Variants in RPS6KC1 observed in about 807,000 individuals in gnomAD.
The protein encoded by RPS6KC1 is ribosomal protein S6 kinase C1.
A neutral mutation model predicts 103.8 loss-of-function variants in RPS6KC1; 54 were observed. The ratio of observed to expected loss-of-function variants is 0.52; its 90% CI spans 0.42 to 0.65. The LOEUF (loss-of-function observed/expected upper bound fraction) is 0.65. Among genes scored for constraint, RPS6KC1 ranks in the 30% least tolerant of loss-of-function variants. RPS6KC1 has a pLI of 0.00. For synonymous variants in RPS6KC1, 439 were observed against 438.7 expected (o/e 1.00, Z -0.01); for missense variants, 1,151 against 1,253.8 (o/e 0.92, Z 1.24).
the RPS6KC1 span, among the ~76,000 whole-genome samples, chr1:213,459,544 G>C: frequency 6.6e-6 from 1 of 151,934 alleles, no homozygotes; most frequent in African/African-American, 2.4e-5. Flanking sequence ...ACCAGCTCCT[G>C]GATTGATTGA....
chr1:213,270,284 G>C (rs1208726116), intron 14 of RPS6KC1, among the ~76,000 whole-genome samples: 1 of 152,082 alleles, frequency 6.6e-6, no homozygotes, highest in Non-Finnish European at 1.5e-5. Context: ...GGTTAACTCA[G>C]AATAGCTCAT....
chr1:213,205,887 T>C (rs1558535187), intron 8 of RPS6KC1, among the ~76,000 whole-genome samples: 1 of 152,110 alleles, frequency 6.6e-6, no homozygotes, highest in Non-Finnish European at 1.5e-5. Context: ...AATATTTGCA[T>C]TATATTTACC....
the RPS6KC1 span, among the ~76,000 whole-genome samples, chr1:213,845,106 C>T: frequency 7.0e-4 from 107 of 152,068 alleles, no homozygotes; most frequent in Non-Finnish European, 1.3e-3. Context: ...AGCCTTCATT[C>T]TTACAGTAAA....
At chr1:213,630,042 G>A in the RPS6KC1 span, among the ~76,000 whole-genome samples, 61 of 152,270 alleles carry the variant, frequency 4.0e-4, no homozygotes, top group East Asian at 7.9e-3. Context: ...CAACTTTGGT[G>A]AATCTGACAA....
chr1:213,607,720 C>T, the RPS6KC1 span, among the ~76,000 whole-genome samples: 5 of 149,722 alleles, frequency 3.3e-5, no homozygotes, highest in South Asian at 2.1e-4. Context: ...CACACACACA[C>T]ACACACAAAA....
intron 7 of RPS6KC1, among the ~76,000 whole-genome samples, chr1:213,173,671 C>T (rs1459789783): frequency 6.6e-6 from 1 of 152,176 alleles, no homozygotes; most frequent in African/African-American, 2.4e-5. Context: ...TTTTCATACA[C>T]TAATGATGTA....
the RPS6KC1 span, among the ~76,000 whole-genome samples, chr1:213,475,222 GAGA>G: frequency 1.3e-5 from 2 of 152,162 alleles, no homozygotes; most frequent in African/African-American, 4.8e-5. Context: ...GTCTGACTTG[GAGA>G]AGATTTTTGC....
the RPS6KC1 span, among the ~76,000 whole-genome samples, chr1:213,325,200 T>C: frequency 2.0e-5 from 3 of 152,092 alleles, no homozygotes; most frequent in Non-Finnish European, 4.4e-5. Flanking sequence ...TTGCATTTGG[T>C]TGGGCCCCGC....
chr1:213,152,721 T>C (rs1219800018), intron 6 of RPS6KC1, among the ~76,000 whole-genome samples: 1 of 149,108 alleles, frequency 6.7e-6, no homozygotes, highest in African/African-American at 2.5e-5. Flanking sequence ...CTAGGTGGGA[T>C]GGCGGCCGGG....
chr1:213,154,450 T>A (rs896572185), intron 6 of RPS6KC1, among the ~76,000 whole-genome samples: 9 of 152,224 alleles, frequency 5.9e-5, no homozygotes, highest in Non-Finnish European at 1.0e-4. Flanking sequence ...ATTGCACTGT[T>A]GGGGCACTCA....
chr1:213,074,811 T>TG (rs980971210), intron 2 of RPS6KC1, among the ~76,000 whole-genome samples: 2 of 151,282 alleles, frequency 1.3e-5, no homozygotes, highest in African/African-American at 4.9e-5. Flanking sequence ...AAGTTTGTCT[T>TG]GCAGTATTTA....
intron 7 of RPS6KC1, among the ~76,000 whole-genome samples, chr1:213,173,279 AC>A (rs1033005845): frequency 5.9e-5 from 9 of 152,186 alleles, no homozygotes; most frequent in African/African-American, 2.2e-4. Context: ...GTGATCTCAA[AC>A]TTTTATAGAT....
At chr1:213,404,872 C>T in the RPS6KC1 span, among the ~76,000 whole-genome samples, 1 of 152,326 alleles carries the variant, frequency 6.6e-6, no homozygotes, top group African/African-American at 2.4e-5. Context: ...TAATTCAGTT[C>T]CTTTTAAGCC....
chr1:213,114,298 A>G (rs933054709), intron 4 of RPS6KC1, among the ~76,000 whole-genome samples: 1 of 135,756 alleles, frequency 7.4e-6, no homozygotes, highest in Admixed American at 7.2e-5. Context: ...TTGGATTCCT[A>G]GGTATTTTAT....
the RPS6KC1 span, among the ~76,000 whole-genome samples, chr1:213,363,802 CTTTCTTTCTTTCT>C: frequency 0.014 from 984 of 71,124 alleles, 178 homozygotes; most frequent in African/African-American, 0.041. Context: ...TTCTTTCTTT[CTTTCTTTCTTTCT>C]TCTCTCTTTT....
the RPS6KC1 span, among the ~76,000 whole-genome samples, chr1:213,375,062 T>TAC: frequency 2.0e-5 from 3 of 151,024 alleles, no homozygotes; most frequent in African/African-American, 7.3e-5. Context: ...CGTACACACA[T>TAC]ACACACACAT....
At chr1:213,309,262 T>C in the RPS6KC1 span, among the ~76,000 whole-genome samples, 2 of 152,152 alleles carry the variant, frequency 1.3e-5, no homozygotes, top group Admixed American at 6.5e-5. Flanking sequence ...TCCACTGCAC[T>C]CCAGCCTGGG....
chr1:213,861,113 C>T, the RPS6KC1 span, among the ~76,000 whole-genome samples: 1 of 152,102 alleles, frequency 6.6e-6, no homozygotes. Context: ...CCAGCTAAAG[C>T]TTTGAAATTT....
intron 3 of RPS6KC1, among the ~76,000 whole-genome samples, chr1:213,100,005 G>C (rs2148732907): frequency 6.6e-6 from 1 of 152,304 alleles, no homozygotes; most frequent in South Asian, 2.1e-4. Context: ...TGGATCATAA[G>C]ATAGGTGTAT....
Sources: gnomAD v4.1 joint callset for allele counts (sites outside exome capture counted in the v4.1 genomes callset) on GRCh38, gnomAD v4.1.1 for gene constraint, MANE v1.5 for transcripts, NCBI Gene and HGNC (gene_info 2026-07-23, HGNC 2026-07-21) for gene names.